Variants in ARID4B observed in about 807,000 individuals in gnomAD.
ARID4B encodes the protein AT-rich interactive domain-containing protein 4B.
A neutral mutation model predicts 147.5 loss-of-function variants in ARID4B; 26 were observed. The ratio of observed to expected loss-of-function variants is 0.18; its 90% confidence interval spans 0.13 to 0.24. The LOEUF (loss-of-function observed/expected upper bound fraction) is 0.24. Ranked by LOEUF, ARID4B falls within the 10% of genes least tolerant of loss-of-function variation. The probability of loss-of-function intolerance (pLI) is 1.00; values close to 1 mark genes in which losing one functional copy is unlikely to be tolerated. For missense variants in ARID4B, 1,179 were observed against 1,511.5 expected (o/e 0.78, Z 3.65); for synonymous variants, 512 against 507.9 (o/e 1.01, Z -0.11).
At chr1:235,236,432 C>T (rs1206222353) in intron 8 of ARID4B, among the ~76,000 whole-genome samples, 1 of 151,772 alleles carries the variant, frequency 6.6e-6, no homozygotes, top group African/African-American at 2.4e-5. Context: ...AAATTAATAA[C>T]TCAAAACACT....
chr1:235,195,564 C>G (rs1376183305), intron 18 of ARID4B, among the ~76,000 whole-genome samples: 1 of 151,376 alleles, frequency 6.6e-6, no homozygotes, highest in Non-Finnish European at 1.5e-5. Context: ...TGTACTCCAG[C>G]CTGGGCAACA....
chr1:235,267,338 G>T (rs578167513), intron 2 of ARID4B, among the ~76,000 whole-genome samples: 4 of 152,044 alleles, frequency 2.6e-5, no homozygotes, highest in Non-Finnish European at 5.9e-5. Context: ...CACAAACCAC[G>T]TGACAATAAA....
intron 19 of ARID4B, among the ~76,000 whole-genome samples, chr1:235,188,847 G>A (rs564699981): frequency 6.6e-6 from 1 of 152,194 alleles, no homozygotes; most frequent in East Asian, 1.9e-4. Flanking sequence ...CCAACCATAT[G>A]CTTGCAATTT....
intron 20 of ARID4B, among the ~76,000 whole-genome samples, chr1:235,179,748 G>C (rs971341448): frequency 1.1e-4 from 17 of 150,782 alleles, no homozygotes; most frequent in Non-Finnish European, 1.9e-4. Flanking sequence ...AAGATATTAC[G>C]AACATAATAA....
At chr1:235,305,276 T>C (rs1252668050) in intron 2 of ARID4B, among the ~76,000 whole-genome samples, 1 of 149,442 alleles carries the variant, frequency 6.7e-6, no homozygotes, top group African/African-American at 2.4e-5. Context: ...GGAAACCAAT[T>C]CTCCCCTAGA....
intron 14 of ARID4B, among the ~76,000 whole-genome samples, 188 bp downstream of exon 14, chr1:235,221,377 T>A (rs1197154801): frequency 6.7e-6 from 1 of 149,620 alleles, no homozygotes. Context: ...ACAAAAACTT[T>A]CTTCACAGAA....
intron 8 of ARID4B, 86 bp downstream of exon 8, chr1:235,240,227 C>A: frequency 8.3e-7 from 1 of 1,202,618 alleles, no homozygotes; most frequent in Non-Finnish European, 1.2e-6. Context: ...TCATTTTGTA[C>A]CTATGAAAAA....
chr1:235,169,241 TTTG>T (rs1663153708), intron 23 of ARID4B, among the ~76,000 whole-genome samples: 2 of 150,196 alleles, frequency 1.3e-5, no homozygotes, highest in African/African-American at 4.9e-5. Flanking sequence ...TTTTTTTTTG[TTTG>T]TTTGTTTTTT....
intron 23 of ARID4B, among the ~76,000 whole-genome samples, chr1:235,169,365 C>G (rs990027191): frequency 2.1e-5 from 3 of 142,300 alleles, no homozygotes; most frequent in East Asian, 2.1e-4. Flanking sequence ...CTCAGCCCCC[C>G]CAGTAGCTGG....
At chr1:235,316,532 T>C (rs752138617) in intron 2 of ARID4B, among the ~76,000 whole-genome samples, 5 of 144,750 alleles carry the variant, frequency 3.5e-5, no homozygotes, top group Non-Finnish European at 7.5e-5. Flanking sequence ...TATATTTATA[T>C]AAGGCTGGGC....
intron 2 of ARID4B, among the ~76,000 whole-genome samples, chr1:235,280,584 T>TCAGGTGGG (rs1190393934): frequency 1.3e-5 from 2 of 152,250 alleles, no homozygotes; most frequent in Non-Finnish European, 2.9e-5. Context: ...GATGGCAGCT[T>TCAGGTGGG]CAGGTGGGCA....
At chr1:235,244,395 A>T (rs1669170776) in intron 7 of ARID4B, among the ~76,000 whole-genome samples, 1 of 152,202 alleles carries the variant, frequency 6.6e-6, no homozygotes, top group South Asian at 2.1e-4. Context: ...TGGATGACTT[A>T]AACACAATCG....
At chr1:235,259,470 T>C (rs1670168619) in intron 3 of ARID4B, among the ~76,000 whole-genome samples, 1 of 152,268 alleles carries the variant, frequency 6.6e-6, no homozygotes, top group Non-Finnish European at 1.5e-5. Flanking sequence ...ACAAAGGTGA[T>C]ACATGTGCTA....
intron 22 of ARID4B, among the ~76,000 whole-genome samples, chr1:235,174,974 C>T (rs1403283837): frequency 6.6e-6 from 1 of 151,956 alleles, no homozygotes; most frequent in African/African-American, 2.4e-5. Context: ...GGTGTGGTGG[C>T]GCGTGCCTGT....
intron 2 of ARID4B, among the ~76,000 whole-genome samples, chr1:235,265,238 C>G (rs935031271): frequency 6.6e-6 from 1 of 151,382 alleles, no homozygotes; most frequent in Non-Finnish European, 1.5e-5. Context: ...TGGTGGCGGG[C>G]GCCTGTAATC....
At chr1:235,302,153 GAAAAAAAA>G (rs749154889) in intron 2 of ARID4B, among the ~76,000 whole-genome samples, 421 of 30,662 alleles carry the variant, frequency 0.014, 4 homozygotes, top group South Asian at 0.049. Context: ...TCAAAAAACG[GAAAAAAAA>G]AAAAAAAAAA....
chr1:235,243,033 G>A (rs1014126548), intron 7 of ARID4B, among the ~76,000 whole-genome samples: 2 of 151,018 alleles, frequency 1.3e-5, no homozygotes, highest in African/African-American at 2.4e-5. Context: ...TGTTTAATTC[G>A]CTATCTCCTC....
At chr1:235,270,257 C>G (rs563078937) in intron 2 of ARID4B, among the ~76,000 whole-genome samples, 4 of 152,044 alleles carry the variant, frequency 2.6e-5, no homozygotes, top group African/African-American at 9.7e-5. Context: ...GACTCCAGCC[C>G]GGGCGACAGA....
chr1:235,267,505 G>A (rs563512737), intron 2 of ARID4B, among the ~76,000 whole-genome samples: 163 of 152,166 alleles, frequency 1.1e-3, no homozygotes, highest in Middle Eastern at 3.4e-3. Context: ...TTTGGTGGGA[G>A]GGAATATAAA....
Sources: allele counts gnomAD v4.1 joint callset (sites outside exome capture counted in the v4.1 genomes callset), GRCh38; gene constraint gnomAD v4.1.1; transcripts MANE v1.5; gene names NCBI Gene and HGNC (gene_info 2026-07-23, HGNC 2026-07-21).